VPS13B: variants seen among roughly 807,000 people sequenced by gnomAD.
The protein encoded by VPS13B is vacuolar protein sorting 13 homolog B.
In VPS13B, 285 loss-of-function variants were observed where a neutral mutation model predicts 426.4. That is an observed-to-expected ratio of 0.67 (90% CI 0.61 to 0.74). The LOEUF is 0.74. Among genes scored for constraint, VPS13B ranks in the 30% least tolerant of loss-of-function variants. The probability of loss-of-function intolerance (pLI) is 0.00; values close to 1 mark genes in which losing one functional copy is unlikely to be tolerated. For synonymous variants in VPS13B, 1,676 were observed against 1,676.4 expected, an observed-to-expected ratio of 1.00 and a Z score of 0.01; for missense variants, 4,537 against 4,782.6, an observed-to-expected ratio of 0.95 and a Z score of 1.51.
At chr8:99,199,329 AC>A (rs1019996799) in intron 17 of VPS13B, among the ~76,000 whole-genome samples, 5 of 152,028 alleles carry the variant, frequency 3.3e-5, no homozygotes, top group African/African-American at 4.8e-5. Context: ...CTGCCACCAC[AC>A]CCGGCTAAGA....
intron 33 of VPS13B, among the ~76,000 whole-genome samples, chr8:99,629,876 A>T (rs1274531182): frequency 6.6e-6 from 1 of 152,118 alleles, no homozygotes; most frequent in Non-Finnish European, 1.5e-5. Flanking sequence ...TGGTGTTGCT[A>T]CCTGCAGTCT....
At chr8:99,664,587 G>C (rs971468440) in intron 35 of VPS13B, among the ~76,000 whole-genome samples, 1 of 151,906 alleles carries the variant, frequency 6.6e-6, no homozygotes, top group African/African-American at 2.4e-5. Flanking sequence ...TTCTCCTTGT[G>C]ATAGTTTGCT....
At chr8:99,314,728 A>C (rs1821214180) in intron 19 of VPS13B, among the ~76,000 whole-genome samples, 1 of 152,154 alleles carries the variant, frequency 6.6e-6, no homozygotes, top group Non-Finnish European at 1.5e-5. Flanking sequence ...TGGGATTATG[A>C]GCGAGAACCA....
intron 19 of VPS13B, among the ~76,000 whole-genome samples, chr8:99,377,555 T>C (rs1047703638): frequency 6.6e-6 from 1 of 152,362 alleles, no homozygotes; most frequent in East Asian, 1.9e-4. Flanking sequence ...TGCTTTCTCA[T>C]AGTTTATCTT....
chr8:99,755,497 C>T (rs537214793), intron 39 of VPS13B, among the ~76,000 whole-genome samples: 10 of 152,220 alleles, frequency 6.6e-5, no homozygotes, highest in Middle Eastern at 3.4e-3. Context: ...AGGCTGGAGG[C>T]GGTGGCTGAT....
intron 23 of VPS13B, among the ~76,000 whole-genome samples, chr8:99,460,658 C>T (rs576790039): frequency 3.5e-4 from 53 of 152,210 alleles, no homozygotes; most frequent in Admixed American, 2.4e-3. Context: ...TGCCTGTTTA[C>T]GAGAGAACAT....
At chr8:99,060,121 C>T (rs1425514563) in intron 3 of VPS13B, among the ~76,000 whole-genome samples, 2 of 152,206 alleles carry the variant, frequency 1.3e-5, no homozygotes, top group African/African-American at 2.4e-5. Context: ...AAACCACACA[C>T]TGATACTTGT....
chr8:99,700,779 A>G (rs991914334), intron 36 of VPS13B, among the ~76,000 whole-genome samples: 1 of 152,246 alleles, frequency 6.6e-6, no homozygotes, highest in Admixed American at 6.5e-5. Flanking sequence ...AAGGCAAGAC[A>G]CAGGTGGGAA....
At chr8:99,743,777 A>G (rs1809898821) in intron 39 of VPS13B, among the ~76,000 whole-genome samples, 1 of 152,244 alleles carries the variant, frequency 6.6e-6, no homozygotes. Flanking sequence ...AGCCATATGT[A>G]GAAAGCTGAA....
At chr8:99,856,534 A>AT (rs2130924989) in intron 56 of VPS13B, among the ~76,000 whole-genome samples, 1 of 152,312 alleles carries the variant, frequency 6.6e-6, no homozygotes, top group South Asian at 2.1e-4. Flanking sequence ...TATCAACTTG[A>AT]AGAGGTTTTA....
intron 19 of VPS13B, among the ~76,000 whole-genome samples, chr8:99,303,512 T>TAAA (rs1386994661): frequency 6.6e-6 from 1 of 151,576 alleles, no homozygotes; most frequent in African/African-American, 2.4e-5. Flanking sequence ...CTAGATTCAG[T>TAAA]AAAATTCCAG....
chr8:99,835,796 T>G, intron 54 of VPS13B, 58 bp downstream of exon 54: 1 of 1,553,512 alleles, frequency 6.4e-7, no homozygotes, highest in East Asian at 2.3e-5. Flanking sequence ...TTCTGAGGTT[T>G]TGTCAGTTGC....
chr8:99,503,185 G>T (rs180864330), intron 27 of VPS13B, among the ~76,000 whole-genome samples: 149 of 152,272 alleles, frequency 9.8e-4, no homozygotes, highest in Admixed American at 3.7e-3. Flanking sequence ...ACACTATACT[G>T]CAGTCTGTGA....
At chr8:99,501,254 G>T (rs1364450635) in intron 25 of VPS13B, among the ~76,000 whole-genome samples, 1 of 152,122 alleles carries the variant, frequency 6.6e-6, no homozygotes, top group Non-Finnish European at 1.5e-5. Flanking sequence ...GGACTTTGTG[G>T]ATTGTAGCTT....
At chr8:99,286,161 G>A (rs1819430966) in intron 19 of VPS13B, among the ~76,000 whole-genome samples, 1 of 152,118 alleles carries the variant, frequency 6.6e-6, no homozygotes, top group Non-Finnish European at 1.5e-5. Flanking sequence ...CTTAACAGCA[G>A]GGAACCATAA....
At chr8:99,064,730 A>G (rs1460714244) in intron 3 of VPS13B, among the ~76,000 whole-genome samples, 1 of 152,196 alleles carries the variant, frequency 6.6e-6, no homozygotes, top group Non-Finnish European at 1.5e-5. Flanking sequence ...AAGGCAGGCC[A>G]ACATTCAAAT....
At chr8:99,211,092 T>G (rs1013549425) in intron 17 of VPS13B, among the ~76,000 whole-genome samples, 6 of 152,146 alleles carry the variant, frequency 3.9e-5, no homozygotes, top group African/African-American at 1.4e-4. Context: ...TCCCTTACTC[T>G]CATCCTTGTT....
chr8:99,312,469 T>A (rs538965572), intron 19 of VPS13B, among the ~76,000 whole-genome samples: 2 of 152,354 alleles, frequency 1.3e-5, no homozygotes, highest in East Asian at 3.9e-4. Context: ...TTGAAAATTA[T>A]TTTCTTTAAG....
chr8:99,022,379 T>C (rs569479672), intron 2 of VPS13B, among the ~76,000 whole-genome samples: 1 of 152,162 alleles, frequency 6.6e-6, no homozygotes, highest in Admixed American at 6.5e-5. Context: ...GGGTTATTAT[T>C]TGGCTTACTT....
Sources: gnomAD v4.1 joint callset for allele counts (sites outside exome capture counted in the v4.1 genomes callset) on GRCh38, gnomAD v4.1.1 for gene constraint, MANE v1.5 for transcripts, NCBI Gene and HGNC (gene_info 2026-07-23, HGNC 2026-07-21) for gene names.